The following RBFOX1 variants were observed in gnomAD, a reference collection of about 807,000 sequenced individuals.
RBFOX1 encodes the protein RNA binding protein fox-1 homolog 1.
In RBFOX1, 8 loss-of-function variants were observed where a neutral mutation model predicts 57.7. The ratio of observed to expected loss-of-function variants is 0.14; its 90% CI spans 0.08 to 0.25. RBFOX1 has a LOEUF of 0.25. RBFOX1 is among the 10% of genes least tolerant of loss of function. The pLI, the probability that RBFOX1 is intolerant of heterozygous loss-of-function variation, is 1.00. For missense variants in RBFOX1, 611 were observed against 548.5 expected, an observed-to-expected ratio of 1.11 and a Z score of -1.14; for synonymous variants, 326 against 222.4, an observed-to-expected ratio of 1.47 and a Z score of -4.15.
intron 4 of RBFOX1, among the ~76,000 whole-genome samples, chr16:7,318,084 G>C (rs2096478767): frequency 6.6e-6 from 1 of 151,924 alleles, no homozygotes; most frequent in Non-Finnish European, 1.5e-5. Flanking sequence ...TAGTGGTGAT[G>C]AAGGTGATGG....
chr16:6,127,664 T>C (rs74676449), intron 1 of RBFOX1, among the ~76,000 whole-genome samples: 29 of 152,322 alleles, frequency 1.9e-4, no homozygotes, highest in African/African-American at 6.0e-4. Flanking sequence ...GGACAGTTTA[T>C]GGCTTTGTTC....
chr16:7,561,144 C>T (rs754852061), intron 5 of RBFOX1, among the ~76,000 whole-genome samples: 12 of 152,118 alleles, frequency 7.9e-5, no homozygotes, highest in Non-Finnish European at 1.5e-5. Flanking sequence ...AGTATTTGTC[C>T]CTCTAAGAAC....
At chr16:6,853,466 G>A (rs2094177519) in intron 3 of RBFOX1, among the ~76,000 whole-genome samples, 1 of 152,116 alleles carries the variant, frequency 6.6e-6, no homozygotes, top group Non-Finnish European at 1.5e-5. Flanking sequence ...TCATCCTGAT[G>A]GAGGATGGTG....
chr16:6,906,827 A>G (rs565355588), intron 3 of RBFOX1, among the ~76,000 whole-genome samples: 141 of 152,020 alleles, frequency 9.3e-4, no homozygotes, highest in African/African-American at 2.5e-3. Flanking sequence ...GGTTCAAGCA[A>G]TTCTCCTGCC....
intron 4 of RBFOX1, among the ~76,000 whole-genome samples, chr16:7,337,753 C>T (rs1352360852): frequency 2.6e-5 from 4 of 152,040 alleles, no homozygotes; most frequent in Non-Finnish European, 4.4e-5. Context: ...GGCGCAATCT[C>T]GGCTCATTGC....
chr16:7,619,286 A>G (rs2058940961), intron 10 of RBFOX1, among the ~76,000 whole-genome samples: 1 of 152,158 alleles, frequency 6.6e-6, no homozygotes, highest in South Asian at 2.1e-4. Flanking sequence ...AAAGATTGAA[A>G]TCCACCCTAT....
chr16:7,365,874 C>T (rs994296850), intron 4 of RBFOX1, among the ~76,000 whole-genome samples: 2 of 152,182 alleles, frequency 1.3e-5, no homozygotes, highest in African/African-American at 4.8e-5. Context: ...TATTAATACC[C>T]TAAGACTCTC....
At chr16:6,709,249 G>T (rs1314685558) in intron 3 of RBFOX1, among the ~76,000 whole-genome samples, 2 of 152,076 alleles carry the variant, frequency 1.3e-5, no homozygotes, top group Admixed American at 6.6e-5. Context: ...AGTTTCACAC[G>T]AGCGGATGCA....
In RBFOX1 at chr16:7,429,100, A is replaced by G. The variant is rs563133914; in HGVS notation, c.28-89047A>G. ...GGAAGTGGAGAGGACCCGACTCCAG[A>G]GCTGGTGGGAAATCGAGCGGCATAA... is the stretch of plus-strand genomic sequence containing the variant. On this transcript the variant is annotated intron_variant, in intron 4 of 15. Coordinates refer to ENST00000550418, the MANE Select transcript of RBFOX1 (RefSeq NM_018723.4). Among the ~76,000 whole-genome samples, 5 of 152,196 alleles carry G rather than the reference A, an allele frequency of 3.3e-5. 1 individual carries two copies. Among genetic ancestry groups the G allele is most frequent in the Non-Finnish European group, 7.3e-5 (5 of 68,046 alleles).
intron 4 of RBFOX1, among the ~76,000 whole-genome samples, chr16:7,287,637 A>G (rs1163367565): frequency 1.3e-5 from 2 of 152,228 alleles, no homozygotes; most frequent in African/African-American, 4.8e-5. Flanking sequence ...GCTCATTATT[A>G]AAAACTTGGA....
chr16:7,473,859 G>A lies in RBFOX1; in HGVS notation c.28-44288G>A, dbSNP rs114371687. Among the ~76,000 whole-genome samples, 475 of 152,160 alleles carry A rather than the reference G, an allele frequency of 3.1e-3. 1 individual carries two copies. The highest frequency in any genetic ancestry group is 0.011 in the African/African-American group (460 of 41,494). Reference sequence around the variant, plus strand: ...GTGATTACAGGGACATTGATTCTAGGGGATGTGCCAAATTACCTAAGTGCC... The same window carrying A: ...GTGATTACAGGGACATTGATTCTAGAGGATGTGCCAAATTACCTAAGTGCC... On this transcript the variant is annotated intron_variant, in intron 4 of 15. Coordinates refer to ENST00000550418, the MANE Select transcript of RBFOX1 (RefSeq NM_018723.4).
At chr16:6,966,766 TC>T (rs2084276931) in intron 3 of RBFOX1, among the ~76,000 whole-genome samples, 4 of 20,446 alleles carry the variant, frequency 2.0e-4, no homozygotes, top group Admixed American at 8.8e-4. Context: ...TGTCTGTCTA[TC>T]TATCTATCTA....
chr16:5,529,363 G>A (rs980838996), intron 2 of RBFOX1, among the ~76,000 whole-genome samples: 19 of 150,850 alleles, frequency 1.3e-4, no homozygotes, highest in African/African-American at 4.1e-4. Flanking sequence ...TGGAGGAGGT[G>A]GACCCCAATC....
chr16:6,546,234 A>G (rs962040448), intron 2 of RBFOX1, among the ~76,000 whole-genome samples: 4 of 152,230 alleles, frequency 2.6e-5, no homozygotes, highest in Non-Finnish European at 5.9e-5. Flanking sequence ...CTATTGAGCA[A>G]GCATTTTCAT....
chr16:5,604,512 A>T (rs996619950), downstream of RBFOX1, among the ~76,000 whole-genome samples: 1 of 152,298 alleles, frequency 6.6e-6, no homozygotes, highest in African/African-American at 2.4e-5. Flanking sequence ...ACAATGTGAC[A>T]GTGTGCTTTT....
chr16:5,514,286 G>A (rs527644892), intron 2 of RBFOX1, among the ~76,000 whole-genome samples: 5 of 152,262 alleles, frequency 3.3e-5, no homozygotes, highest in African/African-American at 7.2e-5. Context: ...TGGCTCTGTC[G>A]CCATGTCTCT....
At chr16:7,562,782 C>G (rs1428091624) in intron 5 of RBFOX1, among the ~76,000 whole-genome samples, 2 of 152,198 alleles carry the variant, frequency 1.3e-5, no homozygotes, top group African/African-American at 2.4e-5. Flanking sequence ...CCCACTGATC[C>G]TACAAACTGC....
chr16:6,636,792 TATATGTTATATATA>T (rs1176111452), intron 2 of RBFOX1, among the ~76,000 whole-genome samples: 3,727 of 9,762 alleles, frequency 0.38, 244 homozygotes, highest in African/African-American at 0.42. Context: ...TAATATATAA[TATATGTTATATATA>T]ATATATAATA....
At chr16:7,443,023 C>T (rs2109437) in intron 4 of RBFOX1, among the ~76,000 whole-genome samples, 31,603 of 152,084 alleles carry the variant, frequency 0.21, 4,760 homozygotes, top group African/African-American at 0.41. Context: ...CTTTAATTAA[C>T]ATCCTTTTTA....
Sources: allele counts gnomAD v4.1 joint callset (sites outside exome capture counted in the v4.1 genomes callset), GRCh38; gene constraint gnomAD v4.1.1; transcripts MANE v1.5; gene names NCBI Gene and HGNC (gene_info 2026-07-23, HGNC 2026-07-21).